The following ZRANB3 variants were observed in gnomAD, a reference collection of about 807,000 sequenced individuals.
The protein encoded by ZRANB3 is zinc finger RANBP2-type containing 3.
Under a neutral mutation model 133.8 loss-of-function variants are expected in ZRANB3, and 125 were observed. That is an observed-to-expected ratio of 0.93 (90% CI 0.81 to 1.08). The LOEUF (loss-of-function observed/expected upper bound fraction) is 1.08. ZRANB3 is among the 50% of genes least tolerant of loss of function. The pLI is 0.00. For missense variants in ZRANB3, 1,229 were observed against 1,275.5 expected (o/e 0.96, Z 0.56); for synonymous variants, 387 against 432.7 (o/e 0.89, Z 1.31).
rs895880259 is a variant in ZRANB3 at position 135,508,055 on chromosome 2, A to C, written c.-7-3559T>G. 1.0e-3 allele frequency among the ~76,000 whole-genome samples: 154 copies of C among 152,338 alleles called. 1 individual carries two copies. The highest frequency in any genetic ancestry group is 3.5e-3 in the African/African-American group (145 of 41,572). Reference sequence around the variant, plus strand: ...AAAATTTTAATAGACACTCCAAAAAAATCTGGTAAATTGGGGTCACTTTGC... The same window carrying C: ...AAAATTTTAATAGACACTCCAAAAACATCTGGTAAATTGGGGTCACTTTGC... On this transcript the variant is annotated intron_variant, in intron 1 of 20. Transcript: ENST00000264159.
At chr2:135,249,673 TAAG>T (rs1377340399) in intron 12 of ZRANB3, among the ~76,000 whole-genome samples, 1 of 152,196 alleles carries the variant, frequency 6.6e-6, no homozygotes, top group African/African-American at 2.4e-5. Flanking sequence ...TGATAGCAAG[TAAG>T]TCTCATGAGA....
chr2:135,262,600 A>G (rs1057017049), intron 12 of ZRANB3, among the ~76,000 whole-genome samples: 2 of 151,058 alleles, frequency 1.3e-5, no homozygotes, highest in South Asian at 2.2e-4. Flanking sequence ...TGAGCCACGT[A>G]GTGAGACTCT....
At chr2:135,432,980 T>C (rs1689384451) in intron 2 of ZRANB3, among the ~76,000 whole-genome samples, 1 of 152,146 alleles carries the variant, frequency 6.6e-6, no homozygotes, top group African/African-American at 2.4e-5. Flanking sequence ...GAAGTGCTTA[T>C]TTTTCCCCTG....
chr2:135,293,928 G>A (rs1367394811), intron 8 of ZRANB3, among the ~76,000 whole-genome samples: 12 of 151,478 alleles, frequency 7.9e-5, no homozygotes, highest in Non-Finnish European at 1.6e-4. Context: ...AACCAGCCTT[G>A]CTTCCCAGGG....
chr2:135,256,476 A>G (rs1679660590), intron 12 of ZRANB3, among the ~76,000 whole-genome samples: 2 of 152,098 alleles, frequency 1.3e-5, no homozygotes, highest in South Asian at 4.1e-4. Context: ...TTATAGGCGC[A>G]AGCCACCAGG....
chr2:135,386,330 A>T (rs554188240), intron 3 of ZRANB3, among the ~76,000 whole-genome samples: 22 of 152,332 alleles, frequency 1.4e-4, no homozygotes, highest in African/African-American at 5.1e-4. Flanking sequence ...ATCATTAAAA[A>T]GTCAGGAAAC....
At chr2:135,402,487 G>A (rs1401392591) in intron 2 of ZRANB3, among the ~76,000 whole-genome samples, 1 of 151,646 alleles carries the variant, frequency 6.6e-6, no homozygotes, top group African/African-American at 2.4e-5. Flanking sequence ...GTAGAGATGG[G>A]GATTCACCGT....
intron 6 of ZRANB3, among the ~76,000 whole-genome samples, chr2:135,337,731 A>G (rs1684430789): frequency 6.6e-6 from 1 of 152,236 alleles, no homozygotes; most frequent in Admixed American, 6.5e-5. Context: ...GAACTCTCTC[A>G]GTCCAAGTCA....
intron 2 of ZRANB3, among the ~76,000 whole-genome samples, chr2:135,464,755 G>A (rs1383591852): frequency 6.6e-6 from 1 of 152,176 alleles, no homozygotes; most frequent in Admixed American, 6.5e-5. Flanking sequence ...GTATTCCACA[G>A]CTTGGACATG....
At chr2:135,432,717 G>A (rs560714536) in intron 2 of ZRANB3, among the ~76,000 whole-genome samples, 2 of 152,132 alleles carry the variant, frequency 1.3e-5, no homozygotes, top group Non-Finnish European at 1.5e-5. Flanking sequence ...AAACAGGAAC[G>A]TCTGAAATGT....
intron 15 of ZRANB3, among the ~76,000 whole-genome samples, chr2:135,222,767 A>T (rs755305036): frequency 1.2e-3 from 182 of 152,010 alleles, no homozygotes; most frequent in Non-Finnish European, 2.2e-3. Flanking sequence ...TGTTATTTTT[A>T]TATATATATA....
rs1693507910 is a variant in ZRANB3 at position 135,198,925 on chromosome 2, A to G, written c.*1417T>C. The G allele has an allele frequency of 6.6e-6, 1 of 152,204 alleles. No individual in the cohort carries two copies. The highest frequency in any genetic ancestry group is 1.5e-5 in the Non-Finnish European group (1 of 68,032). The allele number at this position is 152,204 out of a possible 1,614,324, so 9.4% of individuals were successfully genotyped here. On this transcript the variant is annotated 3_prime_UTR_variant, in exon 21 of 21. Coordinates refer to ENST00000264159, the MANE Select transcript of ZRANB3 (RefSeq NM_032143.4). ...ACTAGCTATTAATTAACGTGGGAAA[A>G]TGCTCAAACTAAAGAGGTATATGTC... is the stretch of plus-strand genomic sequence containing the variant.
Position 135,476,705 on chromosome 2 carries a change from T to C in ZRANB3, c.161+27624A>G, listed in dbSNP as rs910296544. ...TATTTCTTTTCCTTTTTTTTTTTTT[T>C]TTTCTTTTCTTTTTTTCACACTGGG... is the stretch of plus-strand genomic sequence containing the variant. On this transcript the variant is annotated intron_variant, in intron 2 of 20. Transcript: ENST00000264159. 1.2e-4 allele frequency among the ~76,000 whole-genome samples: 18 copies of C among 151,272 alleles called. No individual in the cohort carries two copies. The East Asian group carries it at 3.5e-3, about 29-fold the overall frequency.
chr2:135,314,976 TGACCTCAGGTGATCTGCC>T (rs1558910445), intron 7 of ZRANB3, among the ~76,000 whole-genome samples: 1 of 152,016 alleles, frequency 6.6e-6, no homozygotes, highest in Non-Finnish European at 1.5e-5. Flanking sequence ...CTCAAACTCC[TGACCTCAGGTGATCTGCC>T]GACCTCAGGT....
At chr2:135,395,598 C>G (rs985174119) in intron 2 of ZRANB3, among the ~76,000 whole-genome samples, 13 of 152,012 alleles carry the variant, frequency 8.6e-5, no homozygotes, top group African/African-American at 3.1e-4. Flanking sequence ...GCTAGGACAA[C>G]AGGCGCACAC....
At chr2:135,354,666 G>A (rs1685353394) in intron 3 of ZRANB3, among the ~76,000 whole-genome samples, 1 of 152,174 alleles carries the variant, frequency 6.6e-6, no homozygotes, top group Admixed American at 6.5e-5. Context: ...AGTGAAAGAA[G>A]CCAGATTCAA....
chr2:135,318,976 T>C (rs1460286182), intron 6 of ZRANB3, among the ~76,000 whole-genome samples: 2 of 152,210 alleles, frequency 1.3e-5, no homozygotes, highest in Non-Finnish European at 2.9e-5. Flanking sequence ...AAAATATACA[T>C]AATGCTTAGA....
chr2:135,306,876 C>T (rs1573878271), intron 8 of ZRANB3, among the ~76,000 whole-genome samples: 1 of 152,132 alleles, frequency 6.6e-6, no homozygotes, highest in African/African-American at 2.4e-5. Context: ...AGGCATCAGC[C>T]ACTGTACCCA....
intron 3 of ZRANB3, among the ~76,000 whole-genome samples, chr2:135,386,093 T>C (rs560592480): frequency 6.6e-6 from 1 of 152,202 alleles, no homozygotes; most frequent in South Asian, 2.1e-4. Context: ...AATCTACCCA[T>C]CTGAGAAAGG....
Sources: allele counts gnomAD v4.1 joint callset (sites outside exome capture counted in the v4.1 genomes callset), GRCh38; gene constraint gnomAD v4.1.1; transcripts MANE v1.5; gene names NCBI Gene and HGNC (gene_info 2026-07-23, HGNC 2026-07-21).